Variants in PLN observed in about 807,000 individuals in gnomAD.
PLN encodes phospholamban.
In PLN, 1 loss-of-function variant was observed where a neutral mutation model predicts 3.9. The ratio of observed to expected loss-of-function variants is 0.26; its 90% CI spans 0.09 to 1.23. The LOEUF is 1.23. Ranked by LOEUF, PLN falls within the 50% of genes most tolerant of loss-of-function variation. PLN has a pLI of 0.48. For missense variants in PLN, 59 were observed against 62.7 expected, an observed-to-expected ratio of 0.94 and a Z score of 0.20; for synonymous variants, 21 against 20.5, an observed-to-expected ratio of 1.02 and a Z score of -0.07.
In PLN at chr6:118,555,102, C is replaced by A. The variant is rs146842979; in HGVS notation, c.-97-3723C>A. 1.3e-5 allele frequency among the ~76,000 whole-genome samples: 2 copies of A among 152,236 alleles called. 1 individual carries two copies. Among genetic ancestry groups the A allele is most frequent in the East Asian group, 3.9e-4 (2 of 5,188 alleles). On this transcript the variant is annotated intron_variant, in intron 1 of 1. Transcript: ENST00000357525. ...GAATTACCAAGTCTAATTATTATTC[C>A]TTTCTTAACTGTATTCTGCTACACA...
Position 118,559,236 on chromosome 6 carries a change from C to A in PLN, c.*156C>A. On this transcript the variant is annotated 3_prime_UTR_variant, in exon 2 of 2. Coordinates refer to ENST00000357525, the MANE Select transcript of PLN (RefSeq NM_002667.5). ...AGATTAAGACTAAAACTTATTGTTA[C>A]CATATGTATTCATCTGTTGGATCTT... 1 of 717,422 alleles carries A rather than the reference C, an allele frequency of 1.4e-6. No individual in the cohort carries two copies. Among genetic ancestry groups the A allele is most frequent in the South Asian group, 1.5e-5 (1 of 64,822 alleles). 44.4% of individuals were successfully genotyped at this position (717,422 alleles called of 1,614,324 possible). A position where few individuals can be genotyped will look rare whatever the true frequency, so the allele number is the denominator to read the frequency against.
chr6:118,554,453 A>T (rs1778734023), intron 1 of PLN, among the ~76,000 whole-genome samples: 1 of 152,168 alleles, frequency 6.6e-6, no homozygotes, highest in Non-Finnish European at 1.5e-5. Flanking sequence ...TGCCCACAGC[A>T]TTATTTTTAA....
intron 1 of PLN, among the ~76,000 whole-genome samples, chr6:118,552,610 A>G (rs1778613995): frequency 6.6e-6 from 1 of 150,912 alleles, no homozygotes. Context: ...TGGCTTTTCT[A>G]TTTCCTTCTT....
chr6:118,559,119 C>G lies in PLN; in HGVS notation c.*39C>G, dbSNP rs1779080779. 1.3e-6 allele frequency: 2 copies of G among 1,519,630 alleles called. No homozygotes were observed. The highest frequency in any genetic ancestry group is 1.8e-6 in the Non-Finnish European group (2 of 1,093,940). 94.1% of individuals were successfully genotyped at this position (1,519,630 alleles called of 1,614,324 possible). A position where few individuals can be genotyped will look rare whatever the true frequency, so the allele number is the denominator to read the frequency against. On this transcript the variant is annotated 3_prime_UTR_variant, in exon 2 of 2. Transcript: ENST00000357525. The stretch of plus-strand genomic sequence containing the variant: ...CCTCTAGATCTGCAGCTTGCCACAT[C>G]AGCTTAAAATCTGTCATCCCATGCA...
intron 1 of PLN, among the ~76,000 whole-genome samples, chr6:118,551,167 T>G (rs1046295541): frequency 6.6e-6 from 1 of 152,018 alleles, no homozygotes; most frequent in East Asian, 1.9e-4. Context: ...GTAGTCTCTT[T>G]GTACAATTTC....
At chr6:118,556,196 T>C (rs1162464048) in intron 1 of PLN, among the ~76,000 whole-genome samples, 2 of 152,222 alleles carry the variant, frequency 1.3e-5, no homozygotes, top group African/African-American at 4.8e-5. Flanking sequence ...GAATGGTAGT[T>C]CTGCTTTTAT....
intron 1 of PLN, among the ~76,000 whole-genome samples, chr6:118,554,238 G>A (rs968895446): frequency 8.5e-5 from 13 of 152,114 alleles, no homozygotes; most frequent in African/African-American, 3.1e-4. Context: ...AGTGAGCCAC[G>A]ATTGCACAAC....
At chr6:118,548,982 A>T (rs1257449709) in intron 1 of PLN, among the ~76,000 whole-genome samples, 3 of 152,034 alleles carry the variant, frequency 2.0e-5, no homozygotes, top group Non-Finnish European at 2.9e-5. Flanking sequence ...TCTAAAGTCC[A>T]GTCAACTTTT....
chr6:118,557,000 T>C (rs1361801490), intron 1 of PLN, among the ~76,000 whole-genome samples: 3 of 152,184 alleles, frequency 2.0e-5, no homozygotes, highest in Admixed American at 6.5e-5. Context: ...TGATGGAAAC[T>C]ACTACTATTA....
Position 118,557,414 on chromosome 6 carries a change from G to A in PLN, c.-97-1411G>A, listed in dbSNP as rs189510640. ...CAAGCTGTACCTTAAACCAAATACAGCAGGTCCTCAAATAACATCATTTCT... is the reference window on the plus strand; with the variant it reads ...CAAGCTGTACCTTAAACCAAATACAACAGGTCCTCAAATAACATCATTTCT... On this transcript the variant is annotated intron_variant, in intron 1 of 1. Coordinates refer to ENST00000357525, the MANE Select transcript of PLN (RefSeq NM_002667.5). Among the ~76,000 whole-genome samples, 36 of 152,272 alleles carry A rather than the reference G, an allele frequency of 2.4e-4. No homozygotes were observed. The East Asian group carries it at 6.9e-3, about 29-fold the overall frequency.
chr6:118,558,209 C>T (rs527417516), intron 1 of PLN, among the ~76,000 whole-genome samples: 2 of 152,274 alleles, frequency 1.3e-5, no homozygotes, highest in African/African-American at 4.8e-5. Context: ...CCTTGGCCTC[C>T]CAAAGTGCTG....
chr6:118,549,796 A>G (rs1230047620), intron 1 of PLN, among the ~76,000 whole-genome samples: 1 of 151,824 alleles, frequency 6.6e-6, no homozygotes, highest in Non-Finnish European at 1.5e-5. Flanking sequence ...TTGTATCAGA[A>G]TTTTGCTATA....
intron 1 of PLN, among the ~76,000 whole-genome samples, chr6:118,549,511 C>T (rs1250128939): frequency 6.6e-6 from 1 of 151,564 alleles, no homozygotes; most frequent in African/African-American, 2.4e-5. Context: ...CTCTAAAATT[C>T]TCAATTCCTA....
At chr6:118,558,481 C>A (rs1344288501) in intron 1 of PLN, among the ~76,000 whole-genome samples, 4 of 151,938 alleles carry the variant, frequency 2.6e-5, no homozygotes, top group Non-Finnish European at 5.9e-5. Flanking sequence ...ATGGAAGACA[C>A]TGAGGATTAC....
At chr6:118,556,061 C>T (rs1312573324) in intron 1 of PLN, among the ~76,000 whole-genome samples, 1 of 152,104 alleles carries the variant, frequency 6.6e-6, no homozygotes, top group East Asian at 1.9e-4. Context: ...CTGATGAGCA[C>T]TTAGGCCGGT....
Position 118,555,702 on chromosome 6 carries a change from C to T in PLN, c.-97-3123C>T, listed in dbSNP as rs1056623179. On this transcript the variant is annotated intron_variant, in intron 1 of 1. Transcript: ENST00000357525. ...GGGGTATGTGTGAAGGTTTGTTACA[C>T]AGGTAAACACATGTCATGGGGAGCT... is the stretch of plus-strand genomic sequence containing the variant. 7.2e-5 allele frequency among the ~76,000 whole-genome samples: 11 copies of T among 152,092 alleles called. No homozygotes were observed. In the South Asian group the frequency reaches 2.3e-3, roughly 32 times the overall value.
chr6:118,558,036 C>T (rs1341472869), intron 1 of PLN, among the ~76,000 whole-genome samples: 2 of 151,490 alleles, frequency 1.3e-5, no homozygotes. Flanking sequence ...ATGATCTGGG[C>T]TCAATGCAAC....
intron 1 of PLN, among the ~76,000 whole-genome samples, chr6:118,556,948 C>T (rs958286646): frequency 2.0e-5 from 3 of 151,698 alleles, no homozygotes; most frequent in Non-Finnish European, 4.4e-5. Flanking sequence ...AAGTATAGGC[C>T]CCACAGGCAG....
In PLN at chr6:118,559,357, A is replaced by G. The variant is rs768837853; in HGVS notation, c.*277A>G. On this transcript the variant is annotated 3_prime_UTR_variant, in exon 2 of 2. Coordinates refer to ENST00000357525, the MANE Select transcript of PLN (RefSeq NM_002667.5). ...TCCTCAACATGGCTCACAAATTTCTATCCCAAATCTTTTCTGAAGATGAAG... is the reference window on the plus strand; with the variant it reads ...TCCTCAACATGGCTCACAAATTTCTGTCCCAAATCTTTTCTGAAGATGAAG... 2.2e-4 allele frequency: 93 copies of G among 418,944 alleles called. No individual in the cohort carries two copies. In the Middle Eastern group the frequency reaches 2.2e-3, roughly 10 times the overall value. 26.0% of individuals were successfully genotyped at this position (418,944 alleles called of 1,614,324 possible). A position where few individuals can be genotyped will look rare whatever the true frequency, so the allele number is the denominator to read the frequency against.
Sources: gnomAD v4.1 joint callset for allele counts (sites outside exome capture counted in the v4.1 genomes callset) on GRCh38, gnomAD v4.1.1 for gene constraint, MANE v1.5 for transcripts, NCBI Gene and HGNC (gene_info 2026-07-23, HGNC 2026-07-21) for gene names.